Variants in C2CD3 observed in about 807,000 individuals in gnomAD.
C2CD3 encodes the protein C2 domain containing 3 centriole elongation regulator.
Under a neutral mutation model 234.0 loss-of-function variants are expected in C2CD3, and 148 were observed. The observed-to-expected ratio is 0.63, with a 90% CI of 0.55 to 0.72. The LOEUF (loss-of-function observed/expected upper bound fraction) is 0.72. Among genes scored for constraint, C2CD3 ranks in the 30% least tolerant of loss-of-function variants. The probability of loss-of-function intolerance (pLI) is 0.00; values close to 1 mark genes in which losing one functional copy is unlikely to be tolerated. For missense variants in C2CD3, 2,577 were observed against 2,811.5 expected (o/e 0.92, Z 1.89); for synonymous variants, 1,000 against 1,035.4 (o/e 0.97, Z 0.66).
chr11:74,040,398 A>G (rs1952976544), intron 29 of C2CD3, among the ~76,000 whole-genome samples: 2 of 152,168 alleles, frequency 1.3e-5, no homozygotes, highest in Non-Finnish European at 2.9e-5. Context: ...TTGTCTCATT[A>G]ACCAAAAAGA....
At position 74,077,827 on chromosome 11, in the gene C2CD3, ATATATATATATATATATATT is replaced by A. The variant is rs1486870770; in HGVS notation, c.4603+268_4603+287del. On this transcript the variant is annotated intron_variant, in intron 23 of 32. Coordinates refer to ENST00000334126, the MANE Select transcript of C2CD3 (RefSeq NM_001286577.2). ...TATATATATATATATATATATATAT[ATATATATATATATATATATT>A]ATCTCTTTAGTTACAAGAAGCACTA... Among the ~76,000 whole-genome samples the A allele has an allele frequency of 7.5e-3, 124 of 16,586 alleles. 27 individuals carry two copies. Among genetic ancestry groups the A allele is most frequent in the Middle Eastern group, 0.022 (1 of 46 alleles). The allele number at this position is 16,586 out of a possible 152,430, so 10.9% of individuals were successfully genotyped here. A position where few individuals can be genotyped will look rare whatever the true frequency, so the allele number is the denominator to read the frequency against.
intron 26 of C2CD3, among the ~76,000 whole-genome samples, chr11:74,052,884 G>A (rs1312234023): frequency 6.6e-6 from 1 of 152,118 alleles, no homozygotes; most frequent in Non-Finnish European, 1.5e-5. Flanking sequence ...ATCACCACTG[G>A]CAAACAAAAA....
At position 74,048,454 on chromosome 11, in the gene C2CD3, G is replaced by C. The variant is rs199681019; in HGVS notation, c.5362-116C>G. On this transcript the variant is annotated intron_variant, in intron 27 of 32. Coordinates refer to ENST00000334126, the MANE Select transcript of C2CD3 (RefSeq NM_001286577.2). ...GTGCATTTAATTTACTGAATACTTT[G>C]TGTTAAACACTGTGCTAAACAATTT... The C allele has an allele frequency of 9.2e-5, 93 of 1,006,936 alleles. No homozygotes were observed. The East Asian group carries it at 2.3e-3, about 25-fold the overall frequency. 62.4% of individuals were successfully genotyped at this position (1,006,936 alleles called of 1,614,324 possible). A position where few individuals can be genotyped will look rare whatever the true frequency, so the allele number is the denominator to read the frequency against.
intron 22 of C2CD3, 93 bp downstream of exon 22, chr11:74,084,788 G>C: frequency 2.6e-6 from 2 of 773,716 alleles, no homozygotes; most frequent in Admixed American, 4.0e-5. Flanking sequence ...GTTTTCTTTT[G>C]AATATCTTAC....
intron 32 of C2CD3, among the ~76,000 whole-genome samples, chr11:74,014,692 C>T (rs1407167635): frequency 2.0e-5 from 3 of 152,140 alleles, no homozygotes; most frequent in Non-Finnish European, 4.4e-5. Context: ...AGAGTTAAGC[C>T]CTGGAGGCAG....
intron 8 of C2CD3, among the ~76,000 whole-genome samples, chr11:74,122,103 C>T (rs1297271189): frequency 6.6e-6 from 1 of 152,230 alleles, no homozygotes; most frequent in Non-Finnish European, 1.5e-5. Context: ...ATGTGCCAGC[C>T]TGCCTTATCA....
intron 30 of C2CD3, among the ~76,000 whole-genome samples, chr11:74,035,707 C>T (rs796723353): frequency 2.9e-4 from 43 of 150,646 alleles, no homozygotes; most frequent in African/African-American, 1.1e-3. Context: ...CAGGCTTTTG[C>T]TGTTTTTTTT....
intron 13 of C2CD3, among the ~76,000 whole-genome samples, chr11:74,104,883 C>T (rs1956450990): frequency 1.3e-5 from 2 of 152,158 alleles, no homozygotes; most frequent in Non-Finnish European, 1.5e-5. Context: ...GTTGATCAAT[C>T]CTATTTATAA....
In C2CD3 at chr11:74,109,811, G is replaced by A. The variant is rs1159507403; in HGVS notation, c.1844-659C>T. Among the ~76,000 whole-genome samples, 12 of 152,058 alleles carry A rather than the reference G, an allele frequency of 7.9e-5. No homozygotes were observed. In the South Asian group the frequency reaches 1.0e-3, roughly 13 times the overall value. On this transcript the variant is annotated intron_variant, in intron 11 of 32. Transcript: ENST00000334126. The stretch of plus-strand genomic sequence containing the variant: ...TTTGAGGCCGGGTGCGGTGGCTCAC[G>A]CCTGTAATCCCAGCACTTTGGGAGG...
intron 16 of C2CD3, among the ~76,000 whole-genome samples, chr11:74,096,651 G>A (rs1312567668): frequency 6.6e-6 from 1 of 152,090 alleles, no homozygotes; most frequent in Admixed American, 6.5e-5. Context: ...AATCTTTCAA[G>A]GATTTCCTCT....
intron 19 of C2CD3, chr11:74,091,453 C>T (rs572354130): frequency 6.5e-6 from 1 of 152,728 alleles, no homozygotes; most frequent in South Asian, 2.1e-4. Flanking sequence ...AGAAACAACT[C>T]AATCTTAATT....
At chr11:74,101,097 ATT>A (rs1241221128) in intron 14 of C2CD3, among the ~76,000 whole-genome samples, 6 of 152,260 alleles carry the variant, frequency 3.9e-5, no homozygotes, top group Admixed American at 3.3e-4. Flanking sequence ...AGGGCAGCCA[ATT>A]CACTGGCTGG....
At chr11:74,032,230 C>G (rs1952548166) in intron 31 of C2CD3, among the ~76,000 whole-genome samples, 2 of 152,146 alleles carry the variant, frequency 1.3e-5, no homozygotes, top group Non-Finnish European at 2.9e-5. Flanking sequence ...TCTATAATCA[C>G]AAAAATAATT....
Position 74,040,964 on chromosome 11 carries a change from A to ATT in C2CD3, c.5660+1088_5660+1089dup, listed in dbSNP as rs570727716. Among the ~76,000 whole-genome samples the ATT allele has an allele frequency of 2.7e-4, 36 of 133,858 alleles. 1 individual carries two copies. Among genetic ancestry groups the ATT allele is most frequent in the Middle Eastern group, 3.9e-3 (1 of 258 alleles). The allele number at this position is 133,858 out of a possible 152,430, so 87.8% of individuals were successfully genotyped here. On this transcript the variant is annotated intron_variant, in intron 29 of 32. Transcript: ENST00000334126. ...CCCCTTTTAAACATTTTTTCCTTAA[A>ATT]TTTTTTTTTTTTTTTTTTGGTGCTA...
chr11:74,142,114 G>A (rs1306323048), intron 3 of C2CD3: 1 of 152,232 alleles, frequency 6.6e-6, no homozygotes, highest in Non-Finnish European at 1.5e-5. Flanking sequence ...CTATCGGCCA[G>A]GAAGGGCAGT....
intron 2 of C2CD3, among the ~76,000 whole-genome samples, chr11:74,163,888 T>C (rs936625128): frequency 6.6e-6 from 1 of 152,208 alleles, no homozygotes; most frequent in African/African-American, 2.4e-5. Context: ...CATGTATTCA[T>C]TGGCTATTTA....
chr11:74,096,976 C>A (rs1422759122), intron 16 of C2CD3, among the ~76,000 whole-genome samples: 1 of 151,848 alleles, frequency 6.6e-6, no homozygotes, highest in African/African-American at 2.4e-5. Context: ...ATGGTGAAAT[C>A]CCATCTCTAC....
chr11:74,075,028 G>A (rs1382564826), intron 23 of C2CD3, among the ~76,000 whole-genome samples: 1 of 152,180 alleles, frequency 6.6e-6, no homozygotes, highest in Non-Finnish European at 1.5e-5. Flanking sequence ...AGGATGCAGT[G>A]AGCCATGACT....
rs1565303932 is a variant in C2CD3 at position 74,109,166 on chromosome 11, C to G, written c.1844-14G>C. 1 of 1,360,118 alleles carries G rather than the reference C, an allele frequency of 7.4e-7. No individual in the cohort carries two copies. Among genetic ancestry groups the G allele is most frequent in the Non-Finnish European group, 1.0e-6 (1 of 984,308 alleles). 84.3% of individuals were successfully genotyped at this position (1,360,118 alleles called of 1,614,324 possible). On this transcript the variant is annotated splice_polypyrimidine_tract_variant and intron_variant, in intron 11 of 32. Coordinates refer to ENST00000334126, the MANE Select transcript of C2CD3 (RefSeq NM_001286577.2). The stretch of plus-strand genomic sequence containing the variant: ...GGAACTTCACCTCTGTAAGGAGAAC[C>G]AGACACACAGACATGTCACACCACC...
Sources: allele counts gnomAD v4.1 joint callset (sites outside exome capture counted in the v4.1 genomes callset), GRCh38; gene constraint gnomAD v4.1.1; transcripts MANE v1.5; gene names NCBI Gene and HGNC (gene_info 2026-07-23, HGNC 2026-07-21).